The following CDK13 variants were observed in gnomAD, a reference collection of about 807,000 sequenced individuals.
CDK13 encodes cyclin-dependent kinase 13.
CDK13 carries 40 observed loss-of-function variants against 137.6 expected under a neutral mutation model. That is an observed-to-expected ratio of 0.29 (90% CI 0.23 to 0.38). CDK13 has a LOEUF of 0.38. Among genes scored for constraint, CDK13 ranks in the 10% least tolerant of loss-of-function variants. CDK13 has a pLI of 1.00. For synonymous variants in CDK13, 869 were observed against 760.1 expected (o/e 1.14, Z -2.36); for missense variants, 1,704 against 1,951.8 (o/e 0.87, Z 2.39).
At chr7:40,074,854 A>G (rs1259548249) in intron 9 of CDK13, among the ~76,000 whole-genome samples, 1 of 152,052 alleles carries the variant, frequency 6.6e-6, no homozygotes, top group Non-Finnish European at 1.5e-5. Flanking sequence ...TTAAAAAACA[A>G]AAAGCCCGTA....
At chr7:39,975,841 T>C (rs1294554245) in intron 1 of CDK13, among the ~76,000 whole-genome samples, 1 of 152,194 alleles carries the variant, frequency 6.6e-6, no homozygotes, top group Non-Finnish European at 1.5e-5. Flanking sequence ...TTTATTTTTA[T>C]TTTAAATGCA....
In CDK13 at chr7:39,988,074, A is replaced by T; in HGVS notation, c.1687A>T (p.Ile563Leu). The change falls in exon 2 of 14, where the codon ATA (isoleucine) becomes TTA (leucine). Residue 563 changes from isoleucine (I) to leucine (L), a missense_variant. By Grantham distance (5) the Ile-to-Leu change is conservative. Transcript: ENST00000181839. ...AGATAAAGCCACCAAGAAAGCAGTCATAGTTGGAAAGGAGAGTAAATCTGC... is the reference window on the plus strand; with the variant it reads ...AGATAAAGCCACCAAGAAAGCAGTCTTAGTTGGAAAGGAGAGTAAATCTGC... ...IVDKATKKAVIVGKESKSAAT... is the reference protein window; with the variant it reads ...IVDKATKKAVLVGKESKSAAT... The T allele has an allele frequency of 6.2e-7, 1 of 1,614,196 alleles. No individual in the cohort carries two copies. Among genetic ancestry groups the T allele is most frequent in the Non-Finnish European group, 8.5e-7 (1 of 1,180,024 alleles).
intron 5 of CDK13, among the ~76,000 whole-genome samples, chr7:40,017,369 T>C (rs954340771): frequency 6.6e-6 from 1 of 152,130 alleles, no homozygotes; most frequent in African/African-American, 2.4e-5. Context: ...TTAATAGTTA[T>C]AGCTAAATTA....
intron 1 of CDK13, among the ~76,000 whole-genome samples, chr7:39,975,928 A>G (rs1314525455): frequency 6.6e-6 from 1 of 152,218 alleles, no homozygotes; most frequent in Non-Finnish European, 1.5e-5. Context: ...AAGACATAAA[A>G]TACAAGCCAA....
intron 9 of CDK13, among the ~76,000 whole-genome samples, chr7:40,066,433 G>A (rs1201382159): frequency 6.6e-6 from 1 of 152,186 alleles, no homozygotes; most frequent in Non-Finnish European, 1.5e-5. Context: ...CTTGTAGCTA[G>A]TAGGCTGTCA....
chr7:40,047,011 T>TGAAA (rs1785756323), intron 6 of CDK13, among the ~76,000 whole-genome samples: 2 of 43,128 alleles, frequency 4.6e-5, no homozygotes, highest in East Asian at 8.2e-4. Context: ...AGACTCGGTC[T>TGAAA]CAAAAAAAAA....
At chr7:40,039,434 ATTT>A (rs976319927) in intron 5 of CDK13, among the ~76,000 whole-genome samples, 20 of 84,996 alleles carry the variant, frequency 2.4e-4, no homozygotes, top group Admixed American at 5.8e-4. Context: ...TGCCCGGCTA[ATTT>A]TTTTTTTTTT....
At chr7:40,046,381 C>T (rs906583776) in intron 6 of CDK13, among the ~76,000 whole-genome samples, 3 of 152,142 alleles carry the variant, frequency 2.0e-5, no homozygotes, top group East Asian at 1.9e-4. Context: ...CAGTGGCTCA[C>T]GCCTGTAATC....
intron 5 of CDK13, among the ~76,000 whole-genome samples, chr7:40,014,879 T>C (rs1486001560): frequency 6.6e-6 from 1 of 152,246 alleles, no homozygotes; most frequent in African/African-American, 2.4e-5. Flanking sequence ...TGTTCATCTT[T>C]TGAGTAACAT....
chr7:40,065,786 T>A (rs1164148490), intron 9 of CDK13, among the ~76,000 whole-genome samples: 2 of 152,176 alleles, frequency 1.3e-5, no homozygotes, highest in African/African-American at 2.4e-5. Flanking sequence ...TTATAATACA[T>A]AAAATGTAAA....
At chr7:40,018,820 A>G (rs897732971) in intron 5 of CDK13, among the ~76,000 whole-genome samples, 1 of 152,172 alleles carries the variant, frequency 6.6e-6, no homozygotes, top group Non-Finnish European at 1.5e-5. Context: ...CTAAAATTTC[A>G]TACTTCACCG....
At chr7:40,026,349 A>C (rs1222990824) in intron 5 of CDK13, among the ~76,000 whole-genome samples, 1 of 152,124 alleles carries the variant, frequency 6.6e-6, no homozygotes, top group African/African-American at 2.4e-5. Flanking sequence ...TCTCTAAAAC[A>C]ATAAAATACA....
At position 40,043,000 on chromosome 7, in the gene CDK13, A is replaced by T. The variant is rs375402229; in HGVS notation, c.2354-2836A>T. Among the ~76,000 whole-genome samples, 337 of 151,396 alleles carry T rather than the reference A, an allele frequency of 2.2e-3. 1 individual carries two copies. Among genetic ancestry groups the T allele is most frequent in the African/African-American group, 7.7e-3 (320 of 41,296 alleles). ...CCATGTCGCCCCAGGCTAGTCTCAA[A>T]CCCCTGGCCTCAAGCAGTCCTCTCG... On this transcript the variant is annotated intron_variant, in intron 5 of 13. Transcript: ENST00000181839.
At chr7:40,062,613 A>G (rs768783870) in intron 7 of CDK13, 539 of 509,236 alleles carry the variant, frequency 1.1e-3, no homozygotes, top group Non-Finnish European at 1.7e-3. Flanking sequence ...TTATCTTCAT[A>G]TATTAAGGGA....
chr7:40,036,716 A>T (rs1785492725), intron 5 of CDK13, among the ~76,000 whole-genome samples: 1 of 151,750 alleles, frequency 6.6e-6, no homozygotes, highest in African/African-American at 2.4e-5. Context: ...AAAAAAAAAC[A>T]AAAAACTCCT....
At chr7:39,984,692 G>A (rs1361447082) in intron 1 of CDK13, 2 of 151,904 alleles carry the variant, frequency 1.3e-5, no homozygotes, top group Non-Finnish European at 2.9e-5. Context: ...TTTGACTGTT[G>A]GCTGGGTGTG....
chr7:39,976,064 G>A (rs1386177856), intron 1 of CDK13, among the ~76,000 whole-genome samples: 1 of 152,026 alleles, frequency 6.6e-6, no homozygotes, highest in Non-Finnish European at 1.5e-5. Flanking sequence ...TTGGGAGGCC[G>A]AGATGGGCGG....
intron 1 of CDK13, among the ~76,000 whole-genome samples, chr7:39,961,279 G>A (rs932407877): frequency 2.0e-5 from 3 of 152,258 alleles, no homozygotes; most frequent in African/African-American, 7.2e-5. Context: ...AGAATAGCTC[G>A]AACTTGGGAG....
chr7:40,066,722 C>G (rs1455175439), intron 9 of CDK13: 1 of 152,200 alleles, frequency 6.6e-6, no homozygotes, highest in South Asian at 2.1e-4. Context: ...AACTAAAAAT[C>G]CTTGATGATG....
Sources: allele counts gnomAD v4.1 joint callset (sites outside exome capture counted in the v4.1 genomes callset), GRCh38; gene constraint gnomAD v4.1.1; transcripts MANE v1.5; gene names NCBI Gene and HGNC (gene_info 2026-07-23, HGNC 2026-07-21).